Variants in KCNIP4 observed in about 807,000 individuals in gnomAD.
KCNIP4 encodes the protein potassium voltage-gated channel interacting protein 4, also known as Kv channel-interacting protein 4.
Under a neutral mutation model 34.0 loss-of-function variants are expected in KCNIP4, and 12 were observed. That is an observed-to-expected ratio of 0.35 (90% CI 0.23 to 0.57). The LOEUF (loss-of-function observed/expected upper bound fraction) is 0.57, where lower values mean the gene tolerates loss of function less well. Ranked by LOEUF, KCNIP4 falls within the 20% of genes least tolerant of loss-of-function variation. KCNIP4 has a pLI of 0.83. For missense variants in KCNIP4, 238 were observed against 311.7 expected, an observed-to-expected ratio of 0.76 and a Z score of 1.78; for synonymous variants, 124 against 102.2, an observed-to-expected ratio of 1.21 and a Z score of -1.29.
At chr4:21,599,226 A>G (rs1315362077) in intron 1 of KCNIP4, among the ~76,000 whole-genome samples, 1 of 152,106 alleles carries the variant, frequency 6.6e-6, no homozygotes, top group Non-Finnish European at 1.5e-5. Flanking sequence ...CATTTTGAAT[A>G]TTAATACACA....
chr4:21,144,529 A>C (rs773139304), intron 1 of KCNIP4, among the ~76,000 whole-genome samples: 4 of 152,100 alleles, frequency 2.6e-5, no homozygotes, highest in Non-Finnish European at 5.9e-5. Flanking sequence ...AAGAAACCAA[A>C]ACTCAGGCAC....
intron 3 of KCNIP4, among the ~76,000 whole-genome samples, chr4:20,815,592 G>A (rs1222663828): frequency 6.6e-6 from 1 of 152,086 alleles, no homozygotes; most frequent in Non-Finnish European, 1.5e-5. Context: ...AGCTGGCAGC[G>A]ATCTGGAAAC....
intron 1 of KCNIP4, among the ~76,000 whole-genome samples, chr4:21,485,482 G>A (rs946455957): frequency 1.3e-5 from 2 of 152,084 alleles, no homozygotes; most frequent in African/African-American, 4.8e-5. Flanking sequence ...GAAATTGCAA[G>A]TTGCAATTGC....
intron 1 of KCNIP4, among the ~76,000 whole-genome samples, chr4:21,538,332 C>T (rs189247306): frequency 6.6e-6 from 1 of 152,262 alleles, no homozygotes; most frequent in Non-Finnish European, 1.5e-5. Flanking sequence ...AGGAAACTAA[C>T]ACACCATCCA....
At chr4:20,889,034 C>T (rs1577320201) in intron 1 of KCNIP4, among the ~76,000 whole-genome samples, 1 of 151,898 alleles carries the variant, frequency 6.6e-6, no homozygotes, top group Non-Finnish European at 1.5e-5. Flanking sequence ...TTTAGTGGGC[C>T]CATGTTTAGT....
chr4:21,000,653 C>A (rs1236120553), intron 1 of KCNIP4, among the ~76,000 whole-genome samples: 1 of 151,824 alleles, frequency 6.6e-6, no homozygotes, highest in Non-Finnish European at 1.5e-5. Context: ...CTGTTGCACT[C>A]CAGCCTGTGC....
intron 1 of KCNIP4, among the ~76,000 whole-genome samples, chr4:21,192,937 C>A (rs62295286): frequency 0.42 from 59,224 of 142,204 alleles, 13,756 homozygotes; most frequent in African/African-American, 0.67. Flanking sequence ...ACTACTACTA[C>A]TACTACTACT....
Position 21,697,639 on chromosome 4 carries a change from C to G in KCNIP4, c.61+250932G>C, listed in dbSNP as rs1712484428. 9 of 1,322,388 alleles carry G rather than the reference C, an allele frequency of 6.8e-6. No individual in the cohort carries two copies. The South Asian group carries it at 2.1e-4, about 31-fold the overall frequency. The allele number at this position is 1,322,388 out of a possible 1,614,324, so 81.9% of individuals were successfully genotyped here. On this transcript the variant is annotated intron_variant, in intron 1 of 8. Coordinates refer to ENST00000382152, the MANE Select transcript of KCNIP4 (RefSeq NM_025221.6). ...CTAGAGAAGCCAGATACAGCTACAA[C>G]AGTAACAGGGAGGTGAGAAAACACG...
intron 1 of KCNIP4, among the ~76,000 whole-genome samples, chr4:21,027,045 G>A (rs190679049): frequency 6.6e-6 from 1 of 152,326 alleles, no homozygotes; most frequent in Admixed American, 6.5e-5. Flanking sequence ...TATTCTGACT[G>A]TGTTGAGAAA....
At chr4:20,745,950 C>G (rs928693854) in intron 5 of KCNIP4, among the ~76,000 whole-genome samples, 1 of 152,152 alleles carries the variant, frequency 6.6e-6, no homozygotes, top group East Asian at 1.9e-4. Context: ...ATTAGTTCAA[C>G]CATTGTGGAA....
intron 1 of KCNIP4, among the ~76,000 whole-genome samples, chr4:21,578,278 A>G (rs1740903751): frequency 7.3e-6 from 1 of 137,602 alleles, no homozygotes; most frequent in Non-Finnish European, 1.5e-5. Flanking sequence ...CGTTGCAGTG[A>G]GCCGAGATTG....
intron 1 of KCNIP4, among the ~76,000 whole-genome samples, chr4:21,507,051 G>A (rs1325946034): frequency 6.6e-6 from 1 of 151,884 alleles, no homozygotes; most frequent in Non-Finnish European, 1.5e-5. Context: ...GCCTCCCAAA[G>A]TGCTATCATT....
intron 1 of KCNIP4, among the ~76,000 whole-genome samples, chr4:21,046,942 G>A (rs944939442): frequency 6.6e-6 from 1 of 152,154 alleles, no homozygotes; most frequent in Admixed American, 6.5e-5. Context: ...GTTTTAAGAC[G>A]AAGTCTTCTG....
intron 1 of KCNIP4, among the ~76,000 whole-genome samples, chr4:21,921,537 C>G (rs969584867): frequency 6.6e-6 from 1 of 152,164 alleles, no homozygotes; most frequent in Non-Finnish European, 1.5e-5. Context: ...ATAGCCAAAA[C>G]CGAATTGGTT....
chr4:21,007,544 G>GC (rs921322374), intron 1 of KCNIP4, among the ~76,000 whole-genome samples: 13 of 151,912 alleles, frequency 8.6e-5, no homozygotes, highest in African/African-American at 3.1e-4. Context: ...TCTCTACTCT[G>GC]CCCCCGACCC....
At chr4:20,967,475 G>T (rs977049105) in intron 1 of KCNIP4, among the ~76,000 whole-genome samples, 20 of 152,068 alleles carry the variant, frequency 1.3e-4, no homozygotes, top group African/African-American at 4.6e-4. Flanking sequence ...CAGCCAAGAC[G>T]ATCCTAAGCA....
chr4:21,535,637 A>G (rs1418782882), intron 1 of KCNIP4, among the ~76,000 whole-genome samples: 2 of 152,178 alleles, frequency 1.3e-5, no homozygotes, highest in Non-Finnish European at 2.9e-5. Flanking sequence ...TTTTATTTCA[A>G]TAGAGACAAG....
At chr4:21,046,767 T>C (rs1742460467) in intron 1 of KCNIP4, among the ~76,000 whole-genome samples, 1 of 152,082 alleles carries the variant, frequency 6.6e-6, no homozygotes, top group Non-Finnish European at 1.5e-5. Flanking sequence ...AATTTTGTAT[T>C]TTTAGTAGAG....
chr4:21,022,893 T>TC (rs1267631089), intron 1 of KCNIP4, among the ~76,000 whole-genome samples: 1 of 151,754 alleles, frequency 6.6e-6, no homozygotes, highest in Non-Finnish European at 1.5e-5. Context: ...TGGTGTGATC[T>TC]CGGCTCACTG....
Sources: gnomAD v4.1 joint callset for allele counts (sites outside exome capture counted in the v4.1 genomes callset) on GRCh38, gnomAD v4.1.1 for gene constraint, MANE v1.5 for transcripts, NCBI Gene and HGNC (gene_info 2026-07-23, HGNC 2026-07-21) for gene names.